LUC7L2: variants seen among roughly 807,000 people sequenced by gnomAD.
LUC7L2 encodes the protein LUC7 like 2, pre-mRNA splicing factor.
A neutral mutation model predicts 52.8 loss-of-function variants in LUC7L2; 25 were observed. That is an observed-to-expected ratio of 0.47 (90% CI 0.34 to 0.66). The LOEUF (loss-of-function observed/expected upper bound fraction) is 0.66, where lower values mean the gene tolerates loss of function less well. Ranked by LOEUF, LUC7L2 falls within the 30% of genes least tolerant of loss-of-function variation. LUC7L2 has a pLI of 0.01. For missense variants in LUC7L2, 328 were observed against 497.8 expected, an observed-to-expected ratio of 0.66 and a Z score of 3.25; for synonymous variants, 144 against 160.9, an observed-to-expected ratio of 0.89 and a Z score of 0.80.
chr7:139,409,492 A>G, intron 6 of LUC7L2, 71 bp from the exon 7 acceptor site: 1 of 1,509,100 alleles, frequency 6.6e-7, no homozygotes, highest in Non-Finnish European at 8.9e-7. Context: ...ACCAGATAAT[A>G]TAAAGTTTAG....
At chr7:139,396,072 T>G (rs1794653081) in intron 2 of LUC7L2, among the ~76,000 whole-genome samples, 1 of 152,224 alleles carries the variant, frequency 6.6e-6, no homozygotes, top group African/African-American at 2.4e-5. Context: ...AAACAGTGTT[T>G]GAACATCTCA....
chr7:139,372,441 C>T (rs887686043), intron 1 of LUC7L2, among the ~76,000 whole-genome samples: 1 of 152,116 alleles, frequency 6.6e-6, no homozygotes, highest in African/African-American at 2.4e-5. Flanking sequence ...GCTATTACTC[C>T]AGGTTGTAGT....
intron 2 of LUC7L2, among the ~76,000 whole-genome samples, chr7:139,390,791 C>A (rs904655171): frequency 6.6e-6 from 1 of 151,066 alleles, no homozygotes; most frequent in Non-Finnish European, 1.5e-5. Flanking sequence ...CTCCTGACCT[C>A]GTGATTCGCC....
chr7:139,373,965 A>C (rs1333271391), intron 1 of LUC7L2, among the ~76,000 whole-genome samples: 1 of 152,276 alleles, frequency 6.6e-6, no homozygotes, highest in South Asian at 2.1e-4. Context: ...AAAATTGCTT[A>C]ATATAATTAG....
intron 1 of LUC7L2, chr7:139,341,284 C>T: frequency 6.7e-7 from 1 of 1,500,088 alleles, no homozygotes. Context: ...TAGGGGGAGT[C>T]GGTAGTCTGT....
At chr7:139,376,298 A>T in intron 2 of LUC7L2, 142 bp downstream of exon 2, 1 of 854,402 alleles carries the variant, frequency 1.2e-6, no homozygotes, top group Non-Finnish European at 1.7e-6. Context: ...CAGGATGATT[A>T]CTTAAATCTT....
At chr7:139,364,199 G>C (rs1390279668) in intron 1 of LUC7L2, among the ~76,000 whole-genome samples, 1 of 151,762 alleles carries the variant, frequency 6.6e-6, no homozygotes, top group Non-Finnish European at 1.5e-5. Flanking sequence ...TGGCCAGGAT[G>C]GTCTCGAACT....
At chr7:139,415,986 G>A (rs991524656) in intron 8 of LUC7L2, 1 of 119,010 alleles carries the variant, frequency 8.4e-6, no homozygotes, top group African/African-American at 3.7e-5. Flanking sequence ...CAAATTATGA[G>A]CAAACCTCAC....
chr7:139,384,669 A>G (rs761450418), intron 2 of LUC7L2, among the ~76,000 whole-genome samples: 1 of 152,236 alleles, frequency 6.6e-6, no homozygotes, highest in Non-Finnish European at 1.5e-5. Flanking sequence ...TTTTTGGCAA[A>G]TAGGAACAAG....
At chr7:139,394,049 C>G (rs961643603) in intron 2 of LUC7L2, among the ~76,000 whole-genome samples, 15 of 152,122 alleles carry the variant, frequency 9.9e-5, no homozygotes, top group African/African-American at 3.4e-4. Flanking sequence ...ACAAGCCCAA[C>G]TAGCCTGCCT....
At chr7:139,395,617 T>C (rs1255820985) in intron 2 of LUC7L2, among the ~76,000 whole-genome samples, 1 of 152,144 alleles carries the variant, frequency 6.6e-6, no homozygotes, top group Non-Finnish European at 1.5e-5. Context: ...CTGAAGGTAA[T>C]ATAGTTTTAC....
rs1264200408 is a variant in LUC7L2, at chr7:139,376,064, G to A, written c.64G>A (p.Asp22Asn). The part of the protein sequence containing the change: ...DQLMGTSRDG[D>N]TTRQRIKFSD... ...TTATTAACTCTTCTATATTACAGGA[G>A]ATACAACTCGTCAACGAATCAAATT... Residue 22 changes from aspartate (D) to asparagine (N), a missense_variant and splice_region_variant, in exon 2 of 10, where the codon GAT (aspartate) becomes AAT (asparagine). Coordinates refer to ENST00000354926, the MANE Select transcript of LUC7L2 (RefSeq NM_016019.5). The A allele has an allele frequency of 6.2e-7, 1 of 1,613,480 alleles. No homozygotes were observed. Among genetic ancestry groups the A allele is most frequent in the Non-Finnish European group, 8.5e-7 (1 of 1,179,848 alleles).
chr7:139,359,091 A>C (rs1459642102), upstream of LUC7L2: 1 of 152,068 alleles, frequency 6.6e-6, no homozygotes, highest in Non-Finnish European at 1.5e-5. Flanking sequence ...ACGTGTGACC[A>C]CCTCCACCAG....
intron 2 of LUC7L2, among the ~76,000 whole-genome samples, chr7:139,379,597 A>T: frequency 4.1e-5 from 4 of 96,704 alleles, no homozygotes; most frequent in East Asian, 3.2e-4. Context: ...TGAGACAGAT[A>T]CTCGCTCTGT....
intron 1 of LUC7L2, among the ~76,000 whole-genome samples, chr7:139,347,131 C>A (rs1041543732): frequency 1.3e-5 from 2 of 152,102 alleles, no homozygotes; most frequent in Non-Finnish European, 2.9e-5. Context: ...ATGTCAGTTT[C>A]TTCTGGTAGG....
intron 4 of LUC7L2, 137 bp downstream of exon 4, chr7:139,402,384 C>G: frequency 1.3e-6 from 1 of 773,542 alleles, no homozygotes; most frequent in Non-Finnish European, 1.9e-6. Context: ...CTTGTCTGCC[C>G]CAGTGTAAAC....
chr7:139,387,957 TCTCA>T (rs1458818280), intron 2 of LUC7L2, among the ~76,000 whole-genome samples: 1 of 152,162 alleles, frequency 6.6e-6, no homozygotes, highest in Non-Finnish European at 1.5e-5. Context: ...CTTATTGTCG[TCTCA>T]CTCCTTTCTT....
chr7:139,377,046 A>G (rs575825466), intron 2 of LUC7L2, among the ~76,000 whole-genome samples: 2 of 152,330 alleles, frequency 1.3e-5, no homozygotes, highest in South Asian at 4.1e-4. Context: ...TTTTTCCAGG[A>G]GGAAAGACAG....
Position 139,423,103 on chromosome 7 carries a change from A to T in LUC7L2, c.*763A>T, listed in dbSNP as rs1795967182. On this transcript the variant is annotated 3_prime_UTR_variant, in exon 10 of 10. Coordinates refer to ENST00000354926, the MANE Select transcript of LUC7L2 (RefSeq NM_016019.5). Reference sequence around the variant, plus strand: ...TTTGTGTGTGTGGAGTATAAAGGCTACACCCTTATTGTAAAAAAATAATAA... The same window carrying T: ...TTTGTGTGTGTGGAGTATAAAGGCTTCACCCTTATTGTAAAAAAATAATAA... 2.5e-6 allele frequency: 1 copy of T among 398,848 alleles called. No homozygotes were observed. The highest frequency in any genetic ancestry group is 2.1e-5 in the African/African-American group (1 of 48,616). The allele number at this position is 398,848 out of a possible 1,614,324, so 24.7% of individuals were successfully genotyped here. A position where few individuals can be genotyped will look rare whatever the true frequency, so the allele number is the denominator to read the frequency against.
Sources: gnomAD v4.1 joint callset for allele counts (sites outside exome capture counted in the v4.1 genomes callset) on GRCh38, gnomAD v4.1.1 for gene constraint, MANE v1.5 for transcripts, NCBI Gene and HGNC (gene_info 2026-07-23, HGNC 2026-07-21) for gene names.